The following ERAP1 variants were observed in gnomAD, a reference collection of about 807,000 sequenced individuals.
The protein encoded by ERAP1 is adipocyte-derived leucine aminopeptidase.
In ERAP1, 86 loss-of-function variants were observed where a neutral mutation model predicts 103.7. That is an observed-to-expected ratio of 0.83 (90% CI 0.70 to 0.99). The LOEUF (loss-of-function observed/expected upper bound fraction) is 0.99, where lower values mean the gene tolerates loss of function less well. Ranked by LOEUF, ERAP1 falls within the 50% of genes least tolerant of loss-of-function variation. The pLI is 0.00. For missense variants in ERAP1, 1,009 were observed against 1,128.4 expected, an observed-to-expected ratio of 0.89 and a Z score of 1.52; for synonymous variants, 398 against 402.4, an observed-to-expected ratio of 0.99 and a Z score of 0.13.
chr5:96,840,512 T>G, the ERAP1 span, among the ~76,000 whole-genome samples: 1 of 152,196 alleles, frequency 6.6e-6, no homozygotes, highest in South Asian at 2.1e-4. Flanking sequence ...AAGATGATTG[T>G]TCTAACCTAG....
chr5:96,896,957 C>A, the ERAP1 span: 1 of 1,058,164 alleles, frequency 9.5e-7, no homozygotes, highest in Non-Finnish European at 1.3e-6. Context: ...TATTGTCAGT[C>A]AACCATATTT....
chr5:96,832,276 G>A, the ERAP1 span, among the ~76,000 whole-genome samples: 117 of 152,312 alleles, frequency 7.7e-4, no homozygotes, highest in African/African-American at 2.6e-3. Context: ...TGTCCCCTGA[G>A]ATGAATGCTG....
At chr5:96,780,395 A>AAT (rs749830116) in intron 18 of ERAP1, 28 bp downstream of exon 18, 29 of 1,468,948 alleles carry the variant, frequency 2.0e-5, no homozygotes, top group Admixed American at 1.6e-4. Flanking sequence ...TATGTTTAAA[A>AAT]ATATATATAT....
chr5:96,908,355 C>T, the ERAP1 span, among the ~76,000 whole-genome samples: 28 of 152,268 alleles, frequency 1.8e-4, no homozygotes, highest in Non-Finnish European at 3.4e-4. Flanking sequence ...AATAATAAAC[C>T]TGTTATTTAT....
At chr5:96,853,865 A>G in the ERAP1 span, among the ~76,000 whole-genome samples, 4 of 150,792 alleles carry the variant, frequency 2.7e-5, no homozygotes, top group East Asian at 7.8e-4. Flanking sequence ...AAAAAAAAAG[A>G]AGCATGAGGA....
chr5:96,845,979 T>C, the ERAP1 span, among the ~76,000 whole-genome samples: 1 of 152,224 alleles, frequency 6.6e-6, no homozygotes, highest in African/African-American at 2.4e-5. Context: ...ATTTAATCCC[T>C]AGAGGACACA....
At chr5:96,822,795 A>C in the ERAP1 span, 1 of 257,694 alleles carries the variant, frequency 3.9e-6, no homozygotes, top group Non-Finnish European at 7.8e-6. Flanking sequence ...CATGTGACAA[A>C]CTGCCACAAA....
At chr5:96,858,153 G>T in the ERAP1 span, among the ~76,000 whole-genome samples, 7,383 of 151,782 alleles carry the variant, frequency 0.049, 221 homozygotes, top group South Asian at 0.11. Flanking sequence ...GATTAATTTG[G>T]TTACAGCAAA....
upstream of ERAP1, among the ~76,000 whole-genome samples, chr5:96,812,335 AC>A (rs1451278043): frequency 6.6e-6 from 1 of 152,220 alleles, no homozygotes; most frequent in Non-Finnish European, 1.5e-5. Context: ...CCAGATCTAT[AC>A]CCGTTATGGT....
chr5:96,900,059 T>C, the ERAP1 span: 2 of 1,584,314 alleles, frequency 1.3e-6, no homozygotes, highest in African/African-American at 2.7e-5. Context: ...CCATGGCTAA[T>C]GTGCACGTTC....
In ERAP1 at chr5:96,785,782, T is replaced by C; in HGVS notation, c.1943+6A>G. 1 of 1,614,056 alleles carries C rather than the reference T, an allele frequency of 6.2e-7. No individual in the cohort carries two copies. Among genetic ancestry groups the C allele is most frequent in the East Asian group, 2.2e-5 (1 of 44,882 alleles). ...ATAAACCGCGACTTTGTGCAGCGTG[T>C]ATTACCTGACGAGCTGAAATGCATT... On this transcript the variant is annotated splice_donor_region_variant and intron_variant, in intron 13 of 18. Transcript: ENST00000443439.
In ERAP1 at chr5:96,767,885, G is replaced by A. The variant is rs27765; in HGVS notation, c.2819-4657C>T. The A allele has an allele frequency of 0.058, 89,169 of 1,534,840 alleles. 2,968 individuals carry two copies. Among genetic ancestry groups the A allele is most frequent in the South Asian group, 0.095 (8,505 of 89,304 alleles). On this transcript the variant is annotated intron_variant, in intron 19 of 19. Transcript: ENST00000296754. ...TTTGCCTTCTGCTTCTTCACTGATGGTTATTTCTACTCATATCTCAGAAAC... is the reference window on the plus strand; with the variant it reads ...TTTGCCTTCTGCTTCTTCACTGATGATTATTTCTACTCATATCTCAGAAAC...
At chr5:96,813,558 C>G in the ERAP1 span, among the ~76,000 whole-genome samples, 2 of 138,890 alleles carry the variant, frequency 1.4e-5, no homozygotes, top group African/African-American at 5.3e-5. Context: ...GAGGCTGAGG[C>G]AGGGGAATCC....
At chr5:96,886,724 T>C in the ERAP1 span, 16 of 1,552,198 alleles carry the variant, frequency 1.0e-5, no homozygotes, top group Non-Finnish European at 1.2e-5. Flanking sequence ...AATGAGTACA[T>C]ACCTTGTAGC....
chr5:96,773,554 A>C (rs1773217618), downstream of ERAP1: 1 of 152,204 alleles, frequency 6.6e-6, no homozygotes, highest in Non-Finnish European at 1.5e-5. Flanking sequence ...GGCTTTATGG[A>C]ACTTAAGTTT....
chr5:96,829,337 A>G, the ERAP1 span, among the ~76,000 whole-genome samples: 7 of 152,208 alleles, frequency 4.6e-5, no homozygotes, highest in Non-Finnish European at 7.3e-5. Context: ...ATCTTACAGC[A>G]TTGGTACACT....
At chr5:96,782,961 T>G (rs746910649) in intron 15 of ERAP1, 90 bp downstream of exon 15, 237 of 1,377,442 alleles carry the variant, frequency 1.7e-4, no homozygotes, top group Non-Finnish European at 2.2e-4. Flanking sequence ...ACACTTAAAC[T>G]TTTTGTTTTC....
intron 19 of ERAP1, among the ~76,000 whole-genome samples, chr5:96,767,002 C>T (rs1343880331): frequency 1.3e-5 from 2 of 152,200 alleles, no homozygotes; most frequent in Admixed American, 6.5e-5. Flanking sequence ...AGTACCAACT[C>T]ACCCTGCTTG....
the ERAP1 span, among the ~76,000 whole-genome samples, chr5:96,895,991 T>C: frequency 2.0e-5 from 3 of 152,188 alleles, no homozygotes; most frequent in African/African-American, 7.2e-5. Flanking sequence ...CAAAGCTTTA[T>C]ATATTCTTAT....
Sources: gnomAD v4.1 joint callset for allele counts (sites outside exome capture counted in the v4.1 genomes callset) on GRCh38, gnomAD v4.1.1 for gene constraint, MANE v1.5 for transcripts, NCBI Gene and HGNC (gene_info 2026-07-23, HGNC 2026-07-21) for gene names.